TMCO6: variants seen among roughly 807,000 people sequenced by gnomAD.
TMCO6 encodes transmembrane and coiled-coil domain-containing protein 6.
In TMCO6, 47 loss-of-function variants were observed where a neutral mutation model predicts 61.8. That is an observed-to-expected ratio of 0.76 (90% CI 0.60 to 0.97). The LOEUF (loss-of-function observed/expected upper bound fraction) is 0.97, where lower values mean the gene tolerates loss of function less well. Ranked by LOEUF, TMCO6 falls within the 50% of genes least tolerant of loss-of-function variation. The pLI is 0.00. For missense variants in TMCO6, 557 were observed against 601.6 expected (o/e 0.93, Z 0.78); for synonymous variants, 261 against 254.2 (o/e 1.03, Z -0.25).
Position 140,639,773 on chromosome 5 carries a change from C to A in TMCO6, c.120C>A (p.Val40=). ...AGGCGCGGAGGGAGCAGCAGCTGGT[C>A]AGCAAGAGGCTGCTGAGAAACGACG... ...LRKARREQQL[V]SKRLLRNDAP... The change falls in exon 2 of 12, where the codon GTC becomes GTA. Residue 40 remains valine (V), a synonymous_variant. Coordinates refer to ENST00000394671, the MANE Select transcript of TMCO6 (RefSeq NM_018502.5). 1.2e-6 allele frequency: 2 copies of A among 1,606,390 alleles called. No homozygotes were observed. Among genetic ancestry groups the A allele is most frequent in the South Asian group, 2.2e-5 (2 of 89,104 alleles).
the TMCO6 span, among the ~76,000 whole-genome samples, chr5:140,602,793 C>T: frequency 1.3e-4 from 19 of 145,020 alleles, no homozygotes; most frequent in Non-Finnish European, 2.6e-4. Flanking sequence ...CACACACACA[C>T]AAAAAAAAAG....
downstream of TMCO6, among the ~76,000 whole-genome samples, chr5:140,646,123 G>A (rs1223578560): frequency 3.3e-5 from 5 of 150,610 alleles, no homozygotes. Context: ...CAATTCTCCT[G>A]CCTCAGCCTC....
the TMCO6 span, chr5:140,633,254 T>G: frequency 1.4e-6 from 1 of 712,838 alleles, no homozygotes; most frequent in Non-Finnish European, 2.4e-6. Flanking sequence ...CCTGATCACC[T>G]CCCCACCTCT....
chr5:140,625,496 C>T, the TMCO6 span, among the ~76,000 whole-genome samples: 2 of 152,212 alleles, frequency 1.3e-5, no homozygotes, highest in South Asian at 4.1e-4. Context: ...TAAATCTTTG[C>T]TCAGAAGTCA....
At chr5:140,637,974 C>CCTTTCTTT (rs202156970), upstream of TMCO6, among the ~76,000 whole-genome samples, 1,552 of 150,512 alleles carry the variant, frequency 0.01, 17 homozygotes, top group African/African-American at 0.021. Context: ...TTCTTTTCTC[C>CCTTTCTTT]CTTTCTTTCT....
At chr5:140,609,628 T>C in the TMCO6 span, among the ~76,000 whole-genome samples, 3 of 136,740 alleles carry the variant, frequency 2.2e-5, no homozygotes, top group Non-Finnish European at 3.1e-5. Context: ...CTAATCATAA[T>C]GCAATATCTC....
chr5:140,604,588 T>G, the TMCO6 span, among the ~76,000 whole-genome samples: 4 of 152,004 alleles, frequency 2.6e-5, no homozygotes, highest in Non-Finnish European at 5.9e-5. Flanking sequence ...GAAGTCCAAT[T>G]TATCACTTTT....
chr5:140,608,729 G>A, the TMCO6 span, among the ~76,000 whole-genome samples: 1 of 152,192 alleles, frequency 6.6e-6, no homozygotes, highest in Admixed American at 6.5e-5. Context: ...ATATCCAGGT[G>A]TCCCTTTGCC....
At chr5:140,609,099 C>T in the TMCO6 span, 1 of 152,480 alleles carries the variant, frequency 6.6e-6, no homozygotes, top group African/African-American at 2.4e-5. Context: ...CTCTGTGCCA[C>T]CCCATGACTG....
chr5:140,632,405 G>C, the TMCO6 span: 9 of 1,614,186 alleles, frequency 5.6e-6, no homozygotes, highest in Non-Finnish European at 7.6e-6. The surrounding 1 kb of genome is among the most constrained non-coding windows in gnomAD (Gnocchi z 6.2). Context: ...TAAGGGCCGG[G>C]AAGGCGCGAA....
chr5:140,606,171 CTTT>C, the TMCO6 span, among the ~76,000 whole-genome samples: 1 of 131,896 alleles, frequency 7.6e-6, no homozygotes, highest in East Asian at 2.3e-4. Flanking sequence ...TTTCTTTCCT[CTTT>C]TTTTTTTTTC....
the TMCO6 span, among the ~76,000 whole-genome samples, chr5:140,629,414 C>T: frequency 6.6e-6 from 1 of 152,092 alleles, no homozygotes; most frequent in Non-Finnish European, 1.5e-5. Context: ...ATTCCTAATA[C>T]AATGTAAATG....
At chr5:140,610,559 G>T in the TMCO6 span, among the ~76,000 whole-genome samples, 4 of 152,266 alleles carry the variant, frequency 2.6e-5, no homozygotes, top group South Asian at 8.3e-4. Flanking sequence ...ACATACAATA[G>T]ATTTTTGTAT....
At position 140,644,664 on chromosome 5, in the gene TMCO6, C is replaced by T; in HGVS notation, c.1292C>T (p.Thr431Ile). ...PGPLLPALLH[T>I]LAFSDTEVVG... ...CCCCTGCTTCCCGCCTTGCTGCACA[C>T]ACTAGCCTTTTCTGACACTGAAGTA... is the stretch of plus-strand genomic sequence containing the variant. The change falls in exon 11 of 12, where the codon ACA becomes ATA. Residue 431 changes from threonine to isoleucine, a missense_variant. Physicochemically the swap from Thr to Ile is moderately conservative, Grantham distance 89. Transcript: ENST00000394671. 6.2e-7 allele frequency: 1 copy of T among 1,614,254 alleles called. No homozygotes were observed. The highest frequency in any genetic ancestry group is 8.5e-7 in the Non-Finnish European group (1 of 1,180,048).
chr5:140,645,511 A>G, downstream of TMCO6: 1 of 1,565,366 alleles, frequency 6.4e-7, no homozygotes, highest in South Asian at 1.1e-5. Context: ...ATAGGAGAAC[A>G]CATTTTTTTC....
upstream of TMCO6, among the ~76,000 whole-genome samples, chr5:140,635,071 C>G (rs1331050562): frequency 6.6e-6 from 1 of 152,222 alleles, no homozygotes; most frequent in Non-Finnish European, 1.5e-5. Flanking sequence ...CATGAGCCAC[C>G]GTGCCCGGCA....
the TMCO6 span, among the ~76,000 whole-genome samples, chr5:140,631,147 C>T: frequency 1.3e-5 from 2 of 152,186 alleles, no homozygotes; most frequent in Admixed American, 6.5e-5. Flanking sequence ...CTGTATCTTG[C>T]GTCAGTTCCC....
At chr5:140,602,368 C>A in the TMCO6 span, among the ~76,000 whole-genome samples, 2 of 152,210 alleles carry the variant, frequency 1.3e-5, no homozygotes, top group Admixed American at 6.5e-5. Flanking sequence ...CCCTACACAT[C>A]CCACTTATAG....
chr5:140,629,520 A>G, the TMCO6 span, among the ~76,000 whole-genome samples: 4 of 152,222 alleles, frequency 2.6e-5, no homozygotes, highest in African/African-American at 9.6e-5. Flanking sequence ...TGTATATGAA[A>G]CATAAATGAA....
Sources: allele counts gnomAD v4.1 joint callset (sites outside exome capture counted in the v4.1 genomes callset), GRCh38; gene constraint gnomAD v4.1.1; non-coding constraint Gnocchi (gnomAD v3.1); transcripts MANE v1.5; gene names NCBI Gene and HGNC (gene_info 2026-07-23, HGNC 2026-07-21).